NUDCD1: variants seen among roughly 807,000 people sequenced by gnomAD.
NUDCD1 encodes the protein NudC domain containing 1, also known as nudC domain-containing protein 1.
A neutral mutation model predicts 67.8 loss-of-function variants in NUDCD1; 60 were observed. The observed-to-expected ratio is 0.88, with a 90% CI of 0.72 to 1.10. The LOEUF (loss-of-function observed/expected upper bound fraction) is 1.10, where lower values mean the gene tolerates loss of function less well. Ranked by LOEUF, NUDCD1 falls within the 50% of genes least tolerant of loss-of-function variation. NUDCD1 has a pLI of 0.00. For synonymous variants in NUDCD1, 244 were observed against 230.8 expected (o/e 1.06, Z -0.52); for missense variants, 643 against 695.0 (o/e 0.93, Z 0.84).
rs182960039 is a variant in NUDCD1 at position 109,292,019 on chromosome 8, C to T, written c.640+1325G>A. Among the ~76,000 whole-genome samples the T allele has an allele frequency of 2.4e-3, 372 of 151,994 alleles. 6 individuals are homozygous for T. In the South Asian group the frequency reaches 0.031, roughly 13 times the overall value. On this transcript the variant is annotated intron_variant, in intron 4 of 9. Coordinates refer to ENST00000239690, the MANE Select transcript of NUDCD1 (RefSeq NM_032869.4). ...CCTTGAGCCAAAGCTGAATCTAGGC[C>T]TATTTTTGTATGGCCTGTGAGCTAA... is the stretch of plus-strand genomic sequence containing the variant.
chr8:109,259,588 T>G (rs1040090534), intron 8 of NUDCD1, among the ~76,000 whole-genome samples: 5 of 152,164 alleles, frequency 3.3e-5, no homozygotes, highest in African/African-American at 1.2e-4. Context: ...ATAAATGCCC[T>G]CCACTTCACT....
At chr8:109,276,977 C>A (rs891992627) in intron 6 of NUDCD1, among the ~76,000 whole-genome samples, 1 of 152,020 alleles carries the variant, frequency 6.6e-6, no homozygotes, top group African/African-American at 2.4e-5. Context: ...GACTGAGTTA[C>A]ATTTTCTAAG....
intron 5 of NUDCD1, among the ~76,000 whole-genome samples, chr8:109,286,792 T>C (rs1814583938): frequency 1.3e-5 from 2 of 151,978 alleles, no homozygotes; most frequent in Non-Finnish European, 1.5e-5. Flanking sequence ...CCTAATTAAA[T>C]GAAAGAGTTC....
At chr8:109,268,879 G>C (rs1305630205) in intron 8 of NUDCD1, among the ~76,000 whole-genome samples, 1 of 151,850 alleles carries the variant, frequency 6.6e-6, no homozygotes, top group Non-Finnish European at 1.5e-5. Context: ...ATCATGTATG[G>C]GATTATGTCA....
chr8:109,290,440 T>C (rs568327856), intron 4 of NUDCD1, among the ~76,000 whole-genome samples: 1 of 152,226 alleles, frequency 6.6e-6, no homozygotes, highest in East Asian at 1.9e-4. Context: ...AGCAGGTATG[T>C]GATAAGTTTC....
intron 5 of NUDCD1, 50 bp from the exon 6 acceptor site, chr8:109,281,222 T>C (rs201726779): frequency 2.5e-6 from 3 of 1,200,012 alleles, no homozygotes; most frequent in East Asian, 4.7e-5. Context: ...AGAGAAAGCA[T>C]ACACACACAC....
chr8:109,275,373 C>A lies in NUDCD1; in HGVS notation c.1152G>T (p.Met384Ile). The change falls in exon 7 of 10, where the codon ATG becomes ATT. Residue 384 changes from methionine (M) to isoleucine (I), a missense_variant. Transcript: ENST00000239690. Reference protein sequence around the residue: ...AQCAAIAERLMHLTSEELNPN... With the variant: ...AQCAAIAERLIHLTSEELNPN... ...TTACCAGTTCTTCAGAGGTCAAATG[C>A]ATCAAACGTTCAGCTATTGCAGCAC... is the stretch of plus-strand genomic sequence containing the variant. 6.2e-7 allele frequency: 1 copy of A among 1,613,332 alleles called. No individual in the cohort carries two copies. Among genetic ancestry groups the A allele is most frequent in the South Asian group, 1.1e-5 (1 of 90,970 alleles).
intron 8 of NUDCD1, among the ~76,000 whole-genome samples, chr8:109,270,371 TTAA>T (rs1814121992): frequency 6.6e-6 from 1 of 151,438 alleles, no homozygotes; most frequent in African/African-American, 2.4e-5. Context: ...TACACACCAA[TTAA>T]TAATGATCAA....
intron 5 of NUDCD1, among the ~76,000 whole-genome samples, chr8:109,283,658 T>C (rs1037336201): frequency 2.6e-5 from 3 of 113,368 alleles, no homozygotes; most frequent in African/African-American, 4.4e-5. Flanking sequence ...CACCCAAGAA[T>C]TTCATATCCC....
intron 5 of NUDCD1, among the ~76,000 whole-genome samples, chr8:109,286,668 G>T (rs1309244597): frequency 1.3e-5 from 2 of 151,970 alleles, no homozygotes; most frequent in Non-Finnish European, 2.9e-5. Context: ...ACCTCAAACT[G>T]TAAGAATCTT....
chr8:109,320,480 C>T (rs1428952710), intron 2 of NUDCD1, among the ~76,000 whole-genome samples: 2 of 152,228 alleles, frequency 1.3e-5, no homozygotes, highest in African/African-American at 2.4e-5. Flanking sequence ...ATCTCTCTTA[C>T]TCCCTGAACA....
At chr8:109,282,600 A>G (rs1391395919) in intron 5 of NUDCD1, among the ~76,000 whole-genome samples, 1 of 150,468 alleles carries the variant, frequency 6.6e-6, no homozygotes, top group Non-Finnish European at 1.5e-5. Context: ...ATCAAACACC[A>G]CATGTTCTCA....
intron 2 of NUDCD1, among the ~76,000 whole-genome samples, chr8:109,306,726 TA>T (rs1259779474): frequency 6.6e-6 from 1 of 152,078 alleles, no homozygotes; most frequent in East Asian, 1.9e-4. Flanking sequence ...CTCTTTCTTT[TA>T]TTCAGAGCTT....
chr8:109,323,377 AT>A (rs1260072232), intron 1 of NUDCD1, among the ~76,000 whole-genome samples: 1 of 152,164 alleles, frequency 6.6e-6, no homozygotes, highest in Non-Finnish European at 1.5e-5. Context: ...AAATTTAAAA[AT>A]AAATAAATAA....
rs527812098 is a variant in NUDCD1 at position 109,324,897 on chromosome 8, C to T, written c.119-2434G>A. Among the ~76,000 whole-genome samples the T allele has an allele frequency of 1.4e-4, 21 of 152,100 alleles. No homozygotes were observed. The South Asian group carries it at 3.5e-3, about 26-fold the overall frequency. Reference sequence around the variant, plus strand: ...GTCAGGAGATTGAGACCATCCTGGCCAACATGATGAAACCCCGTCTCTACT... The same window carrying T: ...GTCAGGAGATTGAGACCATCCTGGCTAACATGATGAAACCCCGTCTCTACT... On this transcript the variant is annotated intron_variant, in intron 1 of 9. Coordinates refer to ENST00000239690, the MANE Select transcript of NUDCD1 (RefSeq NM_032869.4).
intron 2 of NUDCD1, among the ~76,000 whole-genome samples, chr8:109,299,948 G>C (rs973670229): frequency 9.2e-5 from 14 of 152,140 alleles, no homozygotes; most frequent in African/African-American, 3.4e-4. Context: ...GACAACCCCA[G>C]TACCAGCCTG....
intron 8 of NUDCD1, among the ~76,000 whole-genome samples, chr8:109,248,286 G>GT (rs1451563597): frequency 1.3e-5 from 2 of 152,176 alleles, no homozygotes; most frequent in African/African-American, 4.8e-5. Context: ...CTCCCAAATT[G>GT]TAAGAGAATA....
At chr8:109,327,327 G>A (rs779554461) in intron 1 of NUDCD1, among the ~76,000 whole-genome samples, 2 of 152,000 alleles carry the variant, frequency 1.3e-5, no homozygotes, top group African/African-American at 4.8e-5. Context: ...CCTCCATAAG[G>A]GTAGAGATGA....
At chr8:109,330,494 A>G (rs975210244) in intron 1 of NUDCD1, among the ~76,000 whole-genome samples, 1 of 152,218 alleles carries the variant, frequency 6.6e-6, no homozygotes, top group African/African-American at 2.4e-5. Flanking sequence ...TAGTTTTTAA[A>G]CAAAATAATC....
Sources: allele counts gnomAD v4.1 joint callset (sites outside exome capture counted in the v4.1 genomes callset), GRCh38; gene constraint gnomAD v4.1.1; transcripts MANE v1.5; gene names NCBI Gene and HGNC (gene_info 2026-07-23, HGNC 2026-07-21).